The following ASAP1 variants were observed in gnomAD, a reference collection of about 807,000 sequenced individuals.
ASAP1 encodes ArfGAP with SH3 domain, ankyrin repeat and PH domain 1.
A neutral mutation model predicts 145.2 loss-of-function variants in ASAP1; 43 were observed. That is an observed-to-expected ratio of 0.30 (90% CI 0.23 to 0.38). ASAP1 has a LOEUF of 0.38. Ranked by LOEUF, ASAP1 falls within the 10% of genes least tolerant of loss-of-function variation. ASAP1 has a pLI of 1.00. For missense variants in ASAP1, 1,018 were observed against 1,355.3 expected (o/e 0.75, Z 3.91); for synonymous variants, 546 against 515.5 (o/e 1.06, Z -0.80).
chr8:130,123,674 T>C (rs548100407), intron 18 of ASAP1, among the ~76,000 whole-genome samples: 2 of 152,350 alleles, frequency 1.3e-5, no homozygotes, highest in African/African-American at 4.8e-5. Context: ...TTGCCCAGGC[T>C]GGAGTGCAGG....
At chr8:130,063,680 G>A (rs1227644764) in intron 27 of ASAP1, among the ~76,000 whole-genome samples, 2 of 152,190 alleles carry the variant, frequency 1.3e-5, no homozygotes, top group Admixed American at 6.5e-5. Context: ...CCAAGATACC[G>A]AGGGAGGCCG....
At chr8:130,205,382 G>GAAAAAA (rs771590453) in intron 5 of ASAP1, among the ~76,000 whole-genome samples, 90 of 56,292 alleles carry the variant, frequency 1.6e-3, no homozygotes, top group East Asian at 3.3e-3. Flanking sequence ...ATCCTTATAA[G>GAAAAAA]AAAAAAAAAA....
chr8:130,142,977 C>T (rs368709007), intron 13 of ASAP1, among the ~76,000 whole-genome samples: 9 of 152,210 alleles, frequency 5.9e-5, no homozygotes, highest in South Asian at 2.1e-4. Context: ...ATTAGAGCTA[C>T]GTACGGTAGT....
chr8:130,107,343 C>A (rs535000556), intron 24 of ASAP1, among the ~76,000 whole-genome samples: 1 of 151,618 alleles, frequency 6.6e-6, no homozygotes, highest in South Asian at 2.1e-4. Flanking sequence ...CCACCACACC[C>A]GGCTAATTTT....
chr8:130,080,433 G>T (rs1281920535), intron 25 of ASAP1, among the ~76,000 whole-genome samples: 1 of 151,830 alleles, frequency 6.6e-6, no homozygotes, highest in African/African-American at 2.4e-5. Flanking sequence ...GTCATCTGTT[G>T]GGCCAGGCCC....
intron 3 of ASAP1, among the ~76,000 whole-genome samples, chr8:130,295,867 G>A (rs1804582407): frequency 6.6e-6 from 1 of 152,108 alleles, no homozygotes; most frequent in African/African-American, 2.4e-5. Context: ...ACATTTCAAA[G>A]TTAAATCTTA....
At chr8:130,340,951 TTTG>T (rs1825342578) in intron 3 of ASAP1, 1 of 421,442 alleles carries the variant, frequency 2.4e-6, no homozygotes, top group Non-Finnish European at 4.7e-6. Context: ...TAGGTTTTTT[TTTG>T]TTTTTGTTTT....
intron 3 of ASAP1, among the ~76,000 whole-genome samples, chr8:130,289,429 T>G (rs1821820132): frequency 6.6e-6 from 1 of 152,194 alleles, no homozygotes; most frequent in Admixed American, 6.5e-5. Context: ...TCTTTAAAAT[T>G]TATTTTTAAA....
intron 4 of ASAP1, among the ~76,000 whole-genome samples, chr8:130,228,530 G>A (rs1203709816): frequency 1.3e-5 from 2 of 151,702 alleles, no homozygotes; most frequent in African/African-American, 2.4e-5. Context: ...GCAAAACCAC[G>A]TCCCTACAAA....
intron 24 of ASAP1, among the ~76,000 whole-genome samples, chr8:130,111,536 C>T (rs1241679332): frequency 6.6e-6 from 1 of 152,208 alleles, no homozygotes; most frequent in African/African-American, 2.4e-5. Flanking sequence ...CATAATAGCA[C>T]CTACCTCATT....
At position 130,102,414 on chromosome 8, in the gene ASAP1, T is replaced by A. The variant is rs137893981; in HGVS notation, c.2401+9680A>T. The stretch of plus-strand genomic sequence containing the variant: ...TGTGTCTCATTTATTGATTAGCGTA[T>A]GTTGAAACATCCTTGCATCCCTGCG... On this transcript the variant is annotated intron_variant, in intron 24 of 29. Coordinates refer to ENST00000518721, the MANE Select transcript of ASAP1 (RefSeq NM_018482.4). Among the ~76,000 whole-genome samples the A allele has an allele frequency of 1.9e-3, 292 of 152,374 alleles. 2 individuals carry two copies. Among genetic ancestry groups the A allele is most frequent in the African/African-American group, 6.8e-3 (283 of 41,588 alleles).
chr8:130,235,336 G>A (rs1818150958), intron 4 of ASAP1, among the ~76,000 whole-genome samples: 1 of 151,956 alleles, frequency 6.6e-6, no homozygotes, highest in African/African-American at 2.4e-5. Flanking sequence ...CATACCTACA[G>A]AAAAGTACAT....
At chr8:130,241,617 T>C (rs1043432876) in intron 3 of ASAP1, among the ~76,000 whole-genome samples, 1 of 152,120 alleles carries the variant, frequency 6.6e-6, no homozygotes, top group African/African-American at 2.4e-5. Context: ...TCAGAAAACA[T>C]GGTCCTCTGT....
chr8:130,351,494 C>A (rs567793466), intron 3 of ASAP1, among the ~76,000 whole-genome samples: 10 of 152,150 alleles, frequency 6.6e-5, no homozygotes, highest in South Asian at 6.2e-4. Flanking sequence ...ATATCTGAGA[C>A]TGGGTAATTT....
intron 18 of ASAP1, among the ~76,000 whole-genome samples, chr8:130,123,633 T>C (rs2097570074): frequency 6.6e-6 from 1 of 152,144 alleles, no homozygotes; most frequent in Admixed American, 6.5e-5. Flanking sequence ...CTAAAGACTT[T>C]CTTTTATTTT....
At chr8:130,309,735 A>G (rs921927091) in intron 3 of ASAP1, among the ~76,000 whole-genome samples, 1 of 152,228 alleles carries the variant, frequency 6.6e-6, no homozygotes, top group Admixed American at 6.5e-5. Context: ...AGAAAACTCA[A>G]TGCAAACAGA....
intron 3 of ASAP1, among the ~76,000 whole-genome samples, chr8:130,266,978 A>G (rs113653569): frequency 1.2e-4 from 19 of 152,076 alleles, no homozygotes; most frequent in Middle Eastern, 3.4e-3. Context: ...GAGACATAGA[A>G]GATAGAATGA....
intron 15 of ASAP1, 113 bp from the exon 16 acceptor site, chr8:130,128,203 T>C: frequency 2.7e-6 from 2 of 747,420 alleles, no homozygotes; most frequent in Non-Finnish European, 3.7e-6. Flanking sequence ...TGTCAAGTAA[T>C]TCCAAAAGAG....
intron 7 of ASAP1, among the ~76,000 whole-genome samples, chr8:130,185,482 A>C (rs1814651826): frequency 6.6e-6 from 1 of 152,176 alleles, no homozygotes; most frequent in South Asian, 2.1e-4. Context: ...CTGTAATCCC[A>C]GCACTTTGGC....
Sources: allele counts gnomAD v4.1 joint callset (sites outside exome capture counted in the v4.1 genomes callset), GRCh38; gene constraint gnomAD v4.1.1; transcripts MANE v1.5; gene names NCBI Gene and HGNC (gene_info 2026-07-23, HGNC 2026-07-21).